The following NCKAP5 variants were observed in gnomAD, a reference collection of about 807,000 sequenced individuals.
NCKAP5 encodes nck-associated protein 5.
A neutral mutation model predicts 167.0 loss-of-function variants in NCKAP5; 92 were observed. The observed-to-expected ratio is 0.55, with a 90% CI of 0.47 to 0.66. NCKAP5 has a LOEUF of 0.66. Among genes scored for constraint, NCKAP5 ranks in the 30% least tolerant of loss-of-function variants. The probability of loss-of-function intolerance (pLI) is 0.00; values close to 1 mark genes in which losing one functional copy is unlikely to be tolerated. For missense variants in NCKAP5, 2,378 were observed against 2,315.0 expected (o/e 1.03, Z -0.56); for synonymous variants, 891 against 877.4 (o/e 1.02, Z -0.27).
chr2:132,847,206 A>T (rs1188946336), intron 11 of NCKAP5, among the ~76,000 whole-genome samples: 2 of 152,202 alleles, frequency 1.3e-5, no homozygotes, highest in Non-Finnish European at 2.9e-5. Context: ...GATTAAAGAG[A>T]TGTGGGAAAT....
At chr2:132,796,789 C>G (rs1036568102) in intron 11 of NCKAP5, 60 bp from the exon 12 acceptor site, 2 of 1,162,084 alleles carry the variant, frequency 1.7e-6, no homozygotes, top group Non-Finnish European at 2.5e-6. Context: ...TCTCAAAATC[C>G]TGCCTTGGAC....
intron 6 of NCKAP5, among the ~76,000 whole-genome samples, chr2:133,009,176 T>C (rs547951481): frequency 2.0e-5 from 3 of 152,202 alleles, no homozygotes; most frequent in African/African-American, 4.8e-5. Flanking sequence ...GTGTTTTAAA[T>C]AAGAATATTC....
the NCKAP5 span, among the ~76,000 whole-genome samples, chr2:133,614,200 C>T: frequency 2.0e-5 from 3 of 152,136 alleles, no homozygotes; most frequent in South Asian, 2.1e-4. Flanking sequence ...CAGGGAGTCT[C>T]GTGGTCTGGG....
intron 19 of NCKAP5, among the ~76,000 whole-genome samples, chr2:132,706,894 G>A (rs919895214): frequency 8.5e-5 from 13 of 152,246 alleles, no homozygotes; most frequent in South Asian, 4.2e-4. Flanking sequence ...ATATTATGGC[G>A]CTTAAGCATA....
chr2:133,420,907 T>G (rs771246653), intron 3 of NCKAP5, among the ~76,000 whole-genome samples: 5 of 152,220 alleles, frequency 3.3e-5, no homozygotes, highest in Non-Finnish European at 7.3e-5. Flanking sequence ...ACGCAGCGTT[T>G]TCTCCTTCTC....
chr2:133,102,870 G>T (rs994100690), intron 6 of NCKAP5, among the ~76,000 whole-genome samples: 1 of 151,896 alleles, frequency 6.6e-6, no homozygotes, highest in African/African-American at 2.4e-5. Flanking sequence ...TCAAGACTGA[G>T]CTCCCAGAGA....
At chr2:132,720,354 A>G (rs1185615455) in intron 19 of NCKAP5, among the ~76,000 whole-genome samples, 1 of 152,140 alleles carries the variant, frequency 6.6e-6, no homozygotes, top group Non-Finnish European at 1.5e-5. Flanking sequence ...CTTTCTAAAC[A>G]TTTTTCAGAG....
chr2:133,335,739 CA>C (rs1303473046), intron 3 of NCKAP5, among the ~76,000 whole-genome samples: 4 of 152,104 alleles, frequency 2.6e-5, no homozygotes, highest in African/African-American at 9.7e-5. Flanking sequence ...CTATGATAAT[CA>C]ATTGCCTGTT....
chr2:133,146,244 ATAAAAT>A (rs1272211157), intron 5 of NCKAP5, among the ~76,000 whole-genome samples: 4 of 151,990 alleles, frequency 2.6e-5, no homozygotes, highest in African/African-American at 9.7e-5. Context: ...CAACATCTAG[ATAAAAT>A]TAAAAGCAAC....
At chr2:133,228,341 G>T (rs1470341051) in intron 4 of NCKAP5, among the ~76,000 whole-genome samples, 2 of 151,936 alleles carry the variant, frequency 1.3e-5, no homozygotes, top group African/African-American at 4.8e-5. Context: ...ATCTCTTTTT[G>T]TTTTTGGAAC....
At chr2:133,553,167 G>A (rs1687492160) in intron 2 of NCKAP5, among the ~76,000 whole-genome samples, 1 of 152,172 alleles carries the variant, frequency 6.6e-6, no homozygotes, top group African/African-American at 2.4e-5. Flanking sequence ...ATAAAACTAT[G>A]GTCAAGATAA....
At chr2:132,927,439 A>G (rs999322195) in intron 8 of NCKAP5, among the ~76,000 whole-genome samples, 2 of 152,074 alleles carry the variant, frequency 1.3e-5, no homozygotes, top group African/African-American at 4.8e-5. Context: ...CACTGAATAT[A>G]CAGATTGCTT....
At chr2:133,203,543 T>TA (rs968777660) in intron 5 of NCKAP5, among the ~76,000 whole-genome samples, 100 of 150,780 alleles carry the variant, frequency 6.6e-4, no homozygotes, top group South Asian at 5.2e-3. Flanking sequence ...GTATAATAAT[T>TA]AAAAAAAAAG....
intron 6 of NCKAP5, among the ~76,000 whole-genome samples, chr2:133,129,712 C>T (rs762796385): frequency 5.9e-5 from 9 of 152,224 alleles, no homozygotes; most frequent in Non-Finnish European, 1.3e-4. Context: ...AAAGCCACCA[C>T]AACTCACTTG....
At chr2:133,111,709 A>G (rs905789804) in intron 6 of NCKAP5, among the ~76,000 whole-genome samples, 1 of 152,214 alleles carries the variant, frequency 6.6e-6, no homozygotes, top group African/African-American at 2.4e-5. Context: ...TGGTGTAGGC[A>G]ACATCCAGAT....
At chr2:133,565,874 A>G (rs1021546471) in intron 1 of NCKAP5, among the ~76,000 whole-genome samples, 27 of 152,260 alleles carry the variant, frequency 1.8e-4, no homozygotes, top group Admixed American at 1.6e-3. Context: ...AGCATAATAC[A>G]TTGAATAACT....
At chr2:132,712,447 T>C (rs189255298) in intron 19 of NCKAP5, among the ~76,000 whole-genome samples, 554 of 152,212 alleles carry the variant, frequency 3.6e-3, no homozygotes, top group Middle Eastern at 6.8e-3. Context: ...GTCAGGAGAT[T>C]GGGACCATCC....
chr2:133,329,332 C>T (rs574939852), intron 3 of NCKAP5, among the ~76,000 whole-genome samples: 5 of 152,118 alleles, frequency 3.3e-5, no homozygotes, highest in African/African-American at 9.6e-5. Flanking sequence ...GGGGAAAGCA[C>T]CTAAAAGAAG....
intron 2 of NCKAP5, among the ~76,000 whole-genome samples, chr2:133,534,669 A>T (rs1172240520): frequency 6.6e-6 from 1 of 152,132 alleles, no homozygotes; most frequent in Non-Finnish European, 1.5e-5. Context: ...GCAATGCTTC[A>T]TTCCTTTTTG....
Sources: allele counts gnomAD v4.1 joint callset (sites outside exome capture counted in the v4.1 genomes callset), GRCh38; gene constraint gnomAD v4.1.1; transcripts MANE v1.5; gene names NCBI Gene and HGNC (gene_info 2026-07-23, HGNC 2026-07-21).